SRRM3: variants seen among roughly 807,000 people sequenced by gnomAD.
The protein encoded by SRRM3 is serine/arginine repetitive matrix protein 3.
In SRRM3, 27 loss-of-function variants were observed where a neutral mutation model predicts 66.2. That is an observed-to-expected ratio of 0.41 (90% confidence interval 0.30 to 0.56). The LOEUF (loss-of-function observed/expected upper bound fraction) is 0.56, where lower values mean the gene tolerates loss of function less well. Among genes scored for constraint, SRRM3 ranks in the 20% least tolerant of loss-of-function variants. SRRM3 has a pLI of 0.32. For missense variants in SRRM3, 918 were observed against 991.9 expected (o/e 0.93, Z 1.00); for synonymous variants, 391 against 414.9 (o/e 0.94, Z 0.70).
intron 1 of SRRM3, among the ~76,000 whole-genome samples, chr7:76,204,212 C>T (rs900201658): frequency 2.6e-5 from 4 of 152,146 alleles, no homozygotes; most frequent in Non-Finnish European, 5.9e-5. Flanking sequence ...CCTGACTTTT[C>T]TCCCTCCTCT....
At chr7:76,255,411 A>G (rs1282159994) in intron 3 of SRRM3, among the ~76,000 whole-genome samples, 5 of 151,352 alleles carry the variant, frequency 3.3e-5, no homozygotes, top group African/African-American at 1.2e-4. Flanking sequence ...CGCCTCCCAA[A>G]GTGCTGGGAT....
chr7:76,258,201 G>C (rs1275600658), intron 3 of SRRM3, among the ~76,000 whole-genome samples: 1 of 152,048 alleles, frequency 6.6e-6, no homozygotes, highest in African/African-American at 2.4e-5. Context: ...GAGATGAGCA[G>C]GGGGGGCCCC....
At chr7:76,227,802 A>G (rs926777243) in intron 1 of SRRM3, among the ~76,000 whole-genome samples, 22 of 152,238 alleles carry the variant, frequency 1.4e-4, no homozygotes, top group Middle Eastern at 3.4e-3. Flanking sequence ...TTTCTATCTC[A>G]TGTTTGAACA....
chr7:76,248,773 G>A (rs190089859), intron 3 of SRRM3, among the ~76,000 whole-genome samples: 1 of 152,302 alleles, frequency 6.6e-6, no homozygotes, highest in East Asian at 1.9e-4. Context: ...GAGGTCAGGA[G>A]TTCGAGACCA....
chr7:76,209,131 T>G (rs958044218), intron 1 of SRRM3, among the ~76,000 whole-genome samples: 2 of 152,102 alleles, frequency 1.3e-5, no homozygotes, highest in Non-Finnish European at 2.9e-5. Context: ...TAAAATCCAG[T>G]GCACTTCTGC....
At chr7:76,280,694 G>C (rs1234671269) in intron 11 of SRRM3, among the ~76,000 whole-genome samples, 2 of 151,942 alleles carry the variant, frequency 1.3e-5, no homozygotes, top group African/African-American at 4.8e-5. Flanking sequence ...GGGGAACCGT[G>C]TGTGCGATGC....
chr7:76,212,464 CTTT>C (rs1173761653), intron 1 of SRRM3, among the ~76,000 whole-genome samples: 10 of 98,084 alleles, frequency 1.0e-4, no homozygotes, highest in Admixed American at 1.1e-4. Flanking sequence ...GCAAGGTCTG[CTTT>C]TTTTTTTTTT....
chr7:76,241,928 T>C (rs568289504), intron 2 of SRRM3, among the ~76,000 whole-genome samples: 1 of 152,220 alleles, frequency 6.6e-6, no homozygotes, highest in Non-Finnish European at 1.5e-5. Context: ...AGGTAACTTA[T>C]AAAGAAAATA....
intron 11 of SRRM3, among the ~76,000 whole-genome samples, chr7:76,270,339 G>A (rs1412854787): frequency 6.6e-6 from 1 of 152,196 alleles, no homozygotes; most frequent in African/African-American, 2.4e-5. Context: ...GAGATCTGAA[G>A]GCACCTGGCA....
intron 2 of SRRM3, among the ~76,000 whole-genome samples, chr7:76,242,453 C>T (rs1296888864): frequency 6.6e-6 from 1 of 151,286 alleles, no homozygotes; most frequent in East Asian, 1.9e-4. Flanking sequence ...CCTTTGCACT[C>T]CAGCCTGAGC....
In SRRM3 at chr7:76,281,820, G is replaced by A. The variant is rs1554611956; in HGVS notation, c.1370+18G>A. On this transcript the variant is annotated intron_variant, in intron 12 of 14. Transcript: ENST00000611745. ...GGGAAACGGTGAGCGTGCTGGACCC[G>A]GAGCTGGACTCCCGCCCCCACCCCG... 1.5e-6 allele frequency: 2 copies of A among 1,338,058 alleles called. No homozygotes were observed. The highest frequency in any genetic ancestry group is 1.9e-6 in the Non-Finnish European group (2 of 1,045,568). 82.9% of individuals were successfully genotyped at this position (1,338,058 alleles called of 1,614,324 possible).
In SRRM3 at chr7:76,282,784, C is replaced by A. The variant is rs1802559963; in HGVS notation, c.1507C>A (p.Arg503Ser). 3 of 1,466,218 alleles carry A rather than the reference C, an allele frequency of 2.0e-6. No homozygotes were observed. Among genetic ancestry groups the A allele is most frequent in the Non-Finnish European group, 1.8e-6 (2 of 1,114,878 alleles). The allele number at this position is 1,466,218 out of a possible 1,614,324, so 90.8% of individuals were successfully genotyped here. The stretch of plus-strand genomic sequence containing the variant: ...GCACCCCCGCTCCTGGAGCTCCAGC[C>A]GCTCGCCCTCCAAATCTCGCTCGCG... ...GPHPRSWSSS[R>S]SPSKSRSRSA... Residue 503 changes from arginine to serine, a missense_variant, in exon 13 of 15, where the codon CGC (arginine) becomes AGC (serine). By Grantham distance (110) the Arg-to-Ser change is moderately radical. Coordinates refer to ENST00000611745, the MANE Select transcript of SRRM3 (RefSeq NM_001110199.3).
intron 2 of SRRM3, among the ~76,000 whole-genome samples, 189 bp from the exon 3 acceptor site, chr7:76,247,999 T>A (rs1801483165): frequency 6.6e-6 from 1 of 152,180 alleles, no homozygotes; most frequent in South Asian, 2.1e-4. Flanking sequence ...CTGGCCAGGC[T>A]TGTGTACAGT....
intron 1 of SRRM3, among the ~76,000 whole-genome samples, chr7:76,212,004 T>G (rs1800445344): frequency 6.6e-6 from 1 of 150,900 alleles, no homozygotes; most frequent in Non-Finnish European, 1.5e-5. Flanking sequence ...CGTGCCCAGA[T>G]AATTTTTTAA....
chr7:76,278,253 G>A (rs1189405398), intron 11 of SRRM3, among the ~76,000 whole-genome samples: 2 of 152,076 alleles, frequency 1.3e-5, no homozygotes, highest in East Asian at 3.9e-4. Flanking sequence ...TTGGGAGGCC[G>A]AGGCAGGTGG....
rs1026594303 is a variant in SRRM3, at chr7:76,282,678, C to A, written c.1401C>A (p.Pro467=). 27 of 1,427,278 alleles carry A rather than the reference C, an allele frequency of 1.9e-5. No individual in the cohort carries two copies. The African/African-American group carries it at 3.5e-4, about 18-fold the overall frequency. The allele number at this position is 1,427,278 out of a possible 1,614,324, so 88.4% of individuals were successfully genotyped here. A position where few individuals can be genotyped will look rare whatever the true frequency, so the allele number is the denominator to read the frequency against. ...AGGAGCGGCCCCCGCGCGCGCGGCCCGCCAGCACCTCTCCGTCCCCGGGCG... is the reference window on the plus strand; with the variant it reads ...AGGAGCGGCCCCCGCGCGCGCGGCCAGCCAGCACCTCTCCGTCCCCGGGCG... ...RAKERPPRAR[P]ASTSPSPGAH... is the part of the protein sequence containing the mutation. Residue 467 remains proline (P), a synonymous_variant, in exon 13 of 15, where the codon CCC becomes CCA. Coordinates refer to ENST00000611745, the MANE Select transcript of SRRM3 (RefSeq NM_001110199.3).
chr7:76,274,399 TGGCAGTGGGCAG>T (rs1802289691), intron 11 of SRRM3, among the ~76,000 whole-genome samples: 1 of 152,144 alleles, frequency 6.6e-6, no homozygotes, highest in Admixed American at 6.6e-5. Context: ...TCATTTGGGG[TGGCAGTGGGCAG>T]GGCAGTGAGC....
chr7:76,262,027 C>A (rs1389482540), intron 8 of SRRM3, among the ~76,000 whole-genome samples: 1 of 151,800 alleles, frequency 6.6e-6, no homozygotes, highest in Non-Finnish European at 1.5e-5. Flanking sequence ...TGCTAGCCTC[C>A]CAACAGGTTT....
At chr7:76,212,793 A>C (rs547447146) in intron 1 of SRRM3, among the ~76,000 whole-genome samples, 2 of 151,910 alleles carry the variant, frequency 1.3e-5, no homozygotes, top group African/African-American at 4.8e-5. Context: ...TTAAAGTTCC[A>C]AGGTGGACCG....
Sources: allele counts gnomAD v4.1 joint callset (sites outside exome capture counted in the v4.1 genomes callset), GRCh38; gene constraint gnomAD v4.1.1; transcripts MANE v1.5; gene names NCBI Gene and HGNC (gene_info 2026-07-23, HGNC 2026-07-21).